FMN1: variants seen among roughly 807,000 people sequenced by gnomAD.
The protein encoded by FMN1 is formin-1.
FMN1 carries 110 observed loss-of-function variants against 132.4 expected under a neutral mutation model. The ratio of observed to expected loss-of-function variants is 0.83; its 90% confidence interval spans 0.71 to 0.97. FMN1 has a LOEUF of 0.97. Among genes scored for constraint, FMN1 ranks in the 50% least tolerant of loss-of-function variants. FMN1 has a pLI of 0.00. For synonymous variants in FMN1, 722 were observed against 651.7 expected (o/e 1.11, Z -1.64); for missense variants, 1,792 against 1,705.3 (o/e 1.05, Z -0.90).
intron 10 of FMN1, among the ~76,000 whole-genome samples, chr15:32,925,891 C>G (rs2140350858): frequency 6.6e-6 from 1 of 152,158 alleles, no homozygotes; most frequent in South Asian, 2.1e-4. Context: ...CAAAACCCCA[C>G]CTGTAAAACA....
intron 6 of FMN1, among the ~76,000 whole-genome samples, chr15:33,016,253 G>A (rs771058397): frequency 9.9e-5 from 15 of 152,174 alleles, no homozygotes; most frequent in Non-Finnish European, 1.6e-4. Flanking sequence ...ACTCATCCGT[G>A]AGTGAATGCA....
At chr15:33,027,889 T>C (rs777341779) in intron 6 of FMN1, among the ~76,000 whole-genome samples, 1 of 152,110 alleles carries the variant, frequency 6.6e-6, no homozygotes, top group African/African-American at 2.4e-5. Flanking sequence ...TGCTCAAAGG[T>C]TGTACTAACA....
chr15:33,161,167 T>C (rs1388748591), intron 3 of FMN1, among the ~76,000 whole-genome samples: 1 of 152,252 alleles, frequency 6.6e-6, no homozygotes, highest in Admixed American at 6.5e-5. Context: ...ACAGATTACC[T>C]GTATTCCATT....
chr15:33,046,466 G>A (rs575894016), intron 6 of FMN1, among the ~76,000 whole-genome samples: 14 of 152,304 alleles, frequency 9.2e-5, no homozygotes, highest in South Asian at 4.1e-4. Context: ...TTGATACTGC[G>A]TGCTAAGCAG....
intron 4 of FMN1, among the ~76,000 whole-genome samples, chr15:33,124,844 CTGCATTTTTTTTTTTAATT>C (rs1446531259): frequency 1.4e-5 from 2 of 139,160 alleles, no homozygotes; most frequent in East Asian, 5.8e-4. Flanking sequence ...TTTCATTTTT[CTGCATTTTTTTTTTTAATT>C]TGGAACGGGA....
chr15:33,128,332 A>T (rs1963318423), intron 4 of FMN1, among the ~76,000 whole-genome samples: 1 of 152,166 alleles, frequency 6.6e-6, no homozygotes, highest in Non-Finnish European at 1.5e-5. Flanking sequence ...ACGGGGTCTG[A>T]TTCCGGGCCT....
intron 17 of FMN1, among the ~76,000 whole-genome samples, chr15:32,848,991 T>TG (rs1323933520): frequency 6.4e-5 from 9 of 140,510 alleles, no homozygotes; most frequent in Non-Finnish European, 9.3e-5. Context: ...TTTTTTTTTT[T>TG]TTTTTTTTCA....
intron 6 of FMN1, among the ~76,000 whole-genome samples, chr15:33,057,419 AAAAG>A (rs1484980654): frequency 3.3e-5 from 5 of 152,210 alleles, no homozygotes; most frequent in Admixed American, 1.3e-4. Flanking sequence ...CTGGTTTAAA[AAAAG>A]AAAGTCAGTG....
intron 9 of FMN1, among the ~76,000 whole-genome samples, chr15:32,941,663 T>A (rs932072268): frequency 6.6e-6 from 1 of 152,154 alleles, no homozygotes; most frequent in African/African-American, 2.4e-5. Context: ...CATTTTCTAG[T>A]ATTAAGAGAC....
intron 4 of FMN1, chr15:33,106,324 C>G (rs2039485683): frequency 6.6e-6 from 1 of 151,602 alleles, no homozygotes; most frequent in African/African-American, 2.4e-5. Context: ...ACACAAAACG[C>G]TAAGCAACGA....
chr15:32,806,780 C>A (rs2057696793), intron 17 of FMN1, among the ~76,000 whole-genome samples: 1 of 152,208 alleles, frequency 6.6e-6, no homozygotes, highest in Non-Finnish European at 1.5e-5. Flanking sequence ...GCACGATGGG[C>A]TCCCTCACTG....
chr15:33,106,347 T>G (rs532888071), intron 4 of FMN1: 35 of 151,772 alleles, frequency 2.3e-4, no homozygotes, highest in African/African-American at 8.0e-4. Context: ...ATGCCAAAAT[T>G]TCATTTGGCA....
chr15:32,838,572 A>G (rs1276788316), intron 17 of FMN1, among the ~76,000 whole-genome samples: 2 of 152,204 alleles, frequency 1.3e-5, no homozygotes, highest in African/African-American at 4.8e-5. Flanking sequence ...CTGTGTGTAC[A>G]ACACACATGC....
intron 4 of FMN1, among the ~76,000 whole-genome samples, chr15:33,124,223 A>T (rs1053554158): frequency 6.6e-6 from 1 of 152,006 alleles, no homozygotes; most frequent in African/African-American, 2.4e-5. Flanking sequence ...AGGTGATGTT[A>T]AAGACAAAAA....
intron 5 of FMN1, among the ~76,000 whole-genome samples, chr15:33,070,485 G>C (rs1404487185): frequency 2.0e-5 from 3 of 150,130 alleles, no homozygotes; most frequent in Non-Finnish European, 3.0e-5. Flanking sequence ...CTATAGATTT[G>C]GGCAAAATGG....
chr15:33,002,693 C>T (rs1429350895), intron 7 of FMN1, among the ~76,000 whole-genome samples: 1 of 152,160 alleles, frequency 6.6e-6, no homozygotes, highest in Non-Finnish European at 1.5e-5. Flanking sequence ...TTGGTGCCAG[C>T]TTCTCCAAGT....
chr15:32,888,435 A>G (rs1225274003), intron 15 of FMN1, 143 bp from the exon 16 acceptor site: 1 of 677,504 alleles, frequency 1.5e-6, no homozygotes, highest in African/African-American at 1.8e-5. Flanking sequence ...TGCTATTCCT[A>G]AATTTGGACT....
intron 9 of FMN1, among the ~76,000 whole-genome samples, chr15:32,941,412 T>A (rs1050395502): frequency 1.3e-5 from 2 of 152,236 alleles, no homozygotes; most frequent in Non-Finnish European, 2.9e-5. Flanking sequence ...AGTCCACGTA[T>A]GTAAGTATAG....
At chr15:33,136,056 GATATAA>G (rs1259479571) in intron 4 of FMN1, among the ~76,000 whole-genome samples, 7 of 152,202 alleles carry the variant, frequency 4.6e-5, no homozygotes, top group Non-Finnish European at 7.3e-5. Flanking sequence ...TGCTTTTGTA[GATATAA>G]ATATAAATAA....
Sources: gnomAD v4.1 joint callset for allele counts (sites outside exome capture counted in the v4.1 genomes callset) on GRCh38, gnomAD v4.1.1 for gene constraint, MANE v1.5 for transcripts, NCBI Gene and HGNC (gene_info 2026-07-23, HGNC 2026-07-21) for gene names.